WWOX: variants seen among roughly 807,000 people sequenced by gnomAD.
WWOX encodes the protein WW domain containing oxidoreductase.
A neutral mutation model predicts 46.2 loss-of-function variants in WWOX; 69 were observed. That is an observed-to-expected ratio of 1.49 (90% CI 1.23 to 1.82). The LOEUF (loss-of-function observed/expected upper bound fraction) is 1.82, where lower values mean the gene tolerates loss of function less well. Among genes scored for constraint, WWOX ranks in the 40% most tolerant of loss-of-function variants. The pLI, the probability that WWOX is intolerant of heterozygous loss-of-function variation, is 0.00. For synonymous variants in WWOX, 359 were observed against 202.6 expected (o/e 1.77, Z -6.56); for missense variants, 919 against 542.6 (o/e 1.69, Z -6.89).
chr16:78,592,223 G>A (rs188150193), intron 8 of WWOX, among the ~76,000 whole-genome samples: 58 of 152,230 alleles, frequency 3.8e-4, no homozygotes, highest in African/African-American at 1.3e-3. Flanking sequence ...TTTATTTTTT[G>A]TTTGTTTGTT....
At chr16:78,701,563 C>G (rs78064842) in intron 8 of WWOX, among the ~76,000 whole-genome samples, 1,968 of 152,118 alleles carry the variant, frequency 0.013, 19 homozygotes, top group South Asian at 0.036. Flanking sequence ...TTTTCCCAGC[C>G]TCCCCCCGAT....
intron 6 of WWOX, among the ~76,000 whole-genome samples, chr16:78,400,033 CCTTT>C (rs1391117886): frequency 2.0e-5 from 3 of 152,230 alleles, no homozygotes; most frequent in Admixed American, 2.0e-4. Flanking sequence ...TATTGTGAGT[CCTTT>C]CTTGTCTTCA....
At chr16:78,463,229 G>T (rs2083994642) in intron 8 of WWOX, among the ~76,000 whole-genome samples, 1 of 152,192 alleles carries the variant, frequency 6.6e-6, no homozygotes, top group African/African-American at 2.4e-5. Context: ...TCTTAACGCA[G>T]GGCTATTTTA....
intron 8 of WWOX, among the ~76,000 whole-genome samples, chr16:79,060,039 A>T (rs1159535416): frequency 6.6e-6 from 1 of 152,304 alleles, no homozygotes; most frequent in East Asian, 1.9e-4. Context: ...CTGATAAATA[A>T]CTGAAACCAA....
At chr16:79,001,128 C>G (rs959067380) in intron 8 of WWOX, among the ~76,000 whole-genome samples, 1 of 152,212 alleles carries the variant, frequency 6.6e-6, no homozygotes, top group Admixed American at 6.5e-5. Flanking sequence ...TATCCCACAT[C>G]CAGGTGCCAG....
At chr16:78,629,958 C>A (rs192064305) in intron 8 of WWOX, among the ~76,000 whole-genome samples, 340 of 152,158 alleles carry the variant, frequency 2.2e-3, no homozygotes, top group Non-Finnish European at 3.3e-3. Flanking sequence ...TTAATTTTCC[C>A]TTTTCCAGCA....
chr16:78,189,271 C>T (rs527368638), intron 5 of WWOX, among the ~76,000 whole-genome samples: 2 of 152,300 alleles, frequency 1.3e-5, no homozygotes, highest in South Asian at 4.1e-4. Context: ...TCACCTGTGC[C>T]ACGATGGTCT....
intron 8 of WWOX, among the ~76,000 whole-genome samples, chr16:79,045,011 A>C (rs1034008406): frequency 6.6e-6 from 1 of 152,242 alleles, no homozygotes; most frequent in Admixed American, 6.5e-5. Context: ...TGTTAAAATT[A>C]GCATCAGCGA....
intron 8 of WWOX, among the ~76,000 whole-genome samples, chr16:79,208,159 A>T (rs934877356): frequency 6.6e-6 from 1 of 152,194 alleles, no homozygotes. Context: ...TACTCTCAAG[A>T]TTGATTGCAC....
At chr16:78,494,060 G>A (rs923388846) in intron 8 of WWOX, among the ~76,000 whole-genome samples, 2 of 152,120 alleles carry the variant, frequency 1.3e-5, no homozygotes, top group Non-Finnish European at 2.9e-5. Flanking sequence ...TCTGCCTCTC[G>A]GGAGGCCTCA....
At chr16:78,381,142 T>G (rs2081948144) in intron 5 of WWOX, among the ~76,000 whole-genome samples, 1 of 152,158 alleles carries the variant, frequency 6.6e-6, no homozygotes, top group Non-Finnish European at 1.5e-5. Flanking sequence ...ATCTCCCCAT[T>G]TCTCTGTTTA....
chr16:78,555,614 A>ATTG (rs373639897), intron 8 of WWOX, among the ~76,000 whole-genome samples: 13 of 134,088 alleles, frequency 9.7e-5, no homozygotes, highest in African/African-American at 3.3e-4. Flanking sequence ...TACTTGCATT[A>ATTG]TTGTTGTTGT....
At chr16:78,659,843 T>G (rs868845549) in intron 8 of WWOX, among the ~76,000 whole-genome samples, 1 of 152,166 alleles carries the variant, frequency 6.6e-6, no homozygotes, top group African/African-American at 2.4e-5. Flanking sequence ...AGCATGACTC[T>G]CCTTACACAT....
intron 8 of WWOX, among the ~76,000 whole-genome samples, chr16:78,786,739 G>T (rs961953587): frequency 6.6e-6 from 1 of 152,178 alleles, no homozygotes; most frequent in Non-Finnish European, 1.5e-5. Flanking sequence ...TTCCTTTAAA[G>T]AGCTTATCAT....
chr16:78,887,935 C>T (rs2044502238), intron 8 of WWOX, among the ~76,000 whole-genome samples: 1 of 152,152 alleles, frequency 6.6e-6, no homozygotes, highest in African/African-American at 2.4e-5. Context: ...TTTTCATTCA[C>T]ATTAGAAAGC....
intron 8 of WWOX, among the ~76,000 whole-genome samples, chr16:78,669,837 A>C (rs982179733): frequency 2.0e-5 from 3 of 152,136 alleles, no homozygotes; most frequent in African/African-American, 7.2e-5. Context: ...AATAATCTCT[A>C]ATAAGATGTT....
At chr16:78,210,669 G>A (rs536970381) in intron 5 of WWOX, among the ~76,000 whole-genome samples, 7 of 152,084 alleles carry the variant, frequency 4.6e-5, no homozygotes, top group Admixed American at 2.0e-4. Flanking sequence ...TTAATGTAAG[G>A]CATTATATAA....
At chr16:79,023,064 C>G (rs1156288015) in intron 8 of WWOX, among the ~76,000 whole-genome samples, 1 of 151,902 alleles carries the variant, frequency 6.6e-6, no homozygotes, top group Non-Finnish European at 1.5e-5. Flanking sequence ...AAAATAATAC[C>G]TACAATAACC....
intron 8 of WWOX, among the ~76,000 whole-genome samples, chr16:78,926,324 G>GCT (rs977406895): frequency 4.0e-5 from 6 of 151,342 alleles, no homozygotes; most frequent in African/African-American, 1.5e-4. Context: ...AGTGAGCCAT[G>GCT]CTCGTGCCAT....
Sources: allele counts gnomAD v4.1 joint callset (sites outside exome capture counted in the v4.1 genomes callset), GRCh38; gene constraint gnomAD v4.1.1; transcripts MANE v1.5; gene names NCBI Gene and HGNC (gene_info 2026-07-23, HGNC 2026-07-21).